OTOG: variants seen among roughly 807,000 people sequenced by gnomAD.
The protein encoded by OTOG is otogelin.
Under a neutral mutation model 313.8 loss-of-function variants are expected in OTOG, and 296 were observed. The ratio of observed to expected loss-of-function variants is 0.94; its 90% CI spans 0.86 to 1.04. The LOEUF (loss-of-function observed/expected upper bound fraction) is 1.04. OTOG is among the 50% of genes least tolerant of loss of function. OTOG has a pLI of 0.00. For missense variants in OTOG, 3,948 were observed against 3,840.1 expected, an observed-to-expected ratio of 1.03 and a Z score of -0.74; for synonymous variants, 1,533 against 1,554.9, an observed-to-expected ratio of 0.99 and a Z score of 0.33.
chr11:17,610,021 T>G lies in OTOG; in HGVS notation c.4721T>G (p.Leu1574Arg). Residue 1574 changes from leucine (L) to arginine (R), a missense_variant, in exon 36 of 56, where the codon CTG becomes CGG. Coordinates refer to ENST00000399397, the MANE Select transcript of OTOG (RefSeq NM_001292063.2). The stretch of plus-strand genomic sequence containing the variant: ...GAGTCCTCATCCCTCCCTGTTGCAC[T>G]GCAGACACCCACACCTGGCATGGTG... ...TPESSSLPVA[L>R]QTPTPGMVSG... 1 of 1,547,668 alleles carries G rather than the reference T, an allele frequency of 6.5e-7. No individual in the cohort carries two copies. Among genetic ancestry groups the G allele is most frequent in the East Asian group, 2.4e-5 (1 of 40,820 alleles).
Position 17,632,139 on chromosome 11 carries a change from C to G in OTOG, c.6985C>G (p.Gln2329Glu), listed in dbSNP as rs1440496743. The change falls in exon 42 of 56, where the codon CAG becomes GAG. Residue 2329 changes from glutamine (Q) to glutamate (E), a missense_variant. Gln to Glu is a conservative substitution (Grantham distance 29). Coordinates refer to ENST00000399397, the MANE Select transcript of OTOG (RefSeq NM_001292063.2). ...ELWIRDTKYV[Q>E]QPCVALTVYV... ...GTGGATCCGGGACACCAAGTACGTG[C>G]AGCAGCCCTGCGTGGCCCTGACTGT... 3.9e-6 allele frequency: 6 copies of G among 1,550,956 alleles called. No homozygotes were observed. Among genetic ancestry groups the G allele is most frequent in the Middle Eastern group, 1.7e-4 (1 of 6,010 alleles).
chr11:17,633,604 T>A (rs747575892), intron 42 of OTOG, 76 bp from the exon 43 acceptor site: 19 of 1,362,444 alleles, frequency 1.4e-5, no homozygotes, highest in Non-Finnish European at 1.8e-5. Flanking sequence ...CCTCATCCCC[T>A]CCTGTTCTTT....
intron 54 of OTOG, among the ~76,000 whole-genome samples, chr11:17,643,800 C>T (rs748875051): frequency 6.6e-6 from 1 of 152,210 alleles, no homozygotes. Context: ...CCAGTTACTT[C>T]GCCTCCTCCT....
At chr11:17,558,919 C>G in intron 10 of OTOG, 133 bp from the exon 11 acceptor site, 2 of 781,062 alleles carry the variant, frequency 2.6e-6, no homozygotes. Flanking sequence ...CACCTAGATG[C>G]CTTCCTGGGC....
At chr11:17,637,969 G>A (rs1854303533) in intron 47 of OTOG, among the ~76,000 whole-genome samples, 1 of 152,196 alleles carries the variant, frequency 6.6e-6, no homozygotes, top group South Asian at 2.1e-4. Flanking sequence ...AATGGCTGAG[G>A]AATCCTGAAC....
At chr11:17,633,556 A>G (rs1341096331) in intron 42 of OTOG, 124 bp from the exon 43 acceptor site, 2 of 893,890 alleles carry the variant, frequency 2.2e-6, no homozygotes, top group East Asian at 2.7e-5. Flanking sequence ...TAACTTATGC[A>G]CTCTCTGCTG....
At chr11:17,627,042 T>C (rs1799000779) in intron 39 of OTOG, among the ~76,000 whole-genome samples, 1 of 152,216 alleles carries the variant, frequency 6.6e-6, no homozygotes, top group Non-Finnish European at 1.5e-5. Flanking sequence ...TTTTTCCAAA[T>C]ATAAGATTAT....
chr11:17,628,711 G>T (rs1261826265), intron 39 of OTOG, among the ~76,000 whole-genome samples: 1 of 152,220 alleles, frequency 6.6e-6, no homozygotes, highest in Non-Finnish European at 1.5e-5. Flanking sequence ...CAGAGCAGGG[G>T]TATGTAGCCC....
intron 24 of OTOG, among the ~76,000 whole-genome samples, 175 bp from the exon 25 acceptor site, chr11:17,591,275 T>A (rs1160576622): frequency 1.3e-5 from 2 of 152,224 alleles, no homozygotes; most frequent in African/African-American, 4.8e-5. Context: ...AGCCCCTGTG[T>A]CTCCTGCATG....
chr11:17,634,997 G>T, intron 45 of OTOG, 49 bp downstream of exon 45: 1 of 1,536,842 alleles, frequency 6.5e-7, no homozygotes, highest in South Asian at 1.2e-5. Flanking sequence ...AGGGCAGTGG[G>T]GGGAGGACAG....
intron 17 of OTOG, among the ~76,000 whole-genome samples, chr11:17,571,290 T>C (rs1234235456): frequency 2.0e-5 from 3 of 152,242 alleles, no homozygotes; most frequent in African/African-American, 7.2e-5. Flanking sequence ...TGTTTGCCAC[T>C]TTCCTAAATG....
intron 4 of OTOG, among the ~76,000 whole-genome samples, chr11:17,552,525 T>TCCCTCCCCC (rs1565087707): frequency 4.0e-5 from 5 of 126,078 alleles, no homozygotes; most frequent in Non-Finnish European, 3.4e-5. Flanking sequence ...TGTCTGTTCC[T>TCCCTCCCCC]ACCTCCCCCA....
intron 24 of OTOG, among the ~76,000 whole-genome samples, chr11:17,590,569 G>A (rs537580373): frequency 1.2e-4 from 19 of 152,258 alleles, no homozygotes; most frequent in African/African-American, 3.6e-4. Flanking sequence ...GCTTAGGCTC[G>A]GTGCGGCAGC....
chr11:17,555,509 A>G (rs1852037663), intron 6 of OTOG, among the ~76,000 whole-genome samples: 1 of 152,170 alleles, frequency 6.6e-6, no homozygotes, highest in Non-Finnish European at 1.5e-5. Flanking sequence ...TTGACTGGGA[A>G]GAGCCCTGGA....
intron 42 of OTOG, among the ~76,000 whole-genome samples, chr11:17,633,140 G>A (rs544675822): frequency 6.6e-6 from 1 of 152,218 alleles, no homozygotes; most frequent in African/African-American, 2.4e-5. Context: ...TTGGCCTGGG[G>A]TGGGTTCCCC....
chr11:17,626,454 G>A (rs889895721), intron 39 of OTOG, among the ~76,000 whole-genome samples: 7 of 152,178 alleles, frequency 4.6e-5, no homozygotes, highest in African/African-American at 1.4e-4. Context: ...GGGATTACAG[G>A]CATGAGCCAC....
rs538415409 is a variant in OTOG, at chr11:17,580,912, C to T, written c.2759+2386C>T. On this transcript the variant is annotated intron_variant, in intron 23 of 55. Coordinates refer to ENST00000399397, the MANE Select transcript of OTOG (RefSeq NM_001292063.2). ...GTGAATTAAGCATGTGCTTTTTTTT[C>T]TTTCCTGCTTCCTCCCACAACCACA... 1.1e-3 allele frequency among the ~76,000 whole-genome samples: 167 copies of T among 151,940 alleles called. 1 individual carries two copies. The highest frequency in any genetic ancestry group is 4.0e-3 in the African/African-American group (165 of 41,484).
Position 17,599,704 on chromosome 11 carries a change from C to T in OTOG, c.3709+7C>T, listed in dbSNP as rs147988190. On this transcript the variant is annotated splice_region_variant and intron_variant, in intron 31 of 55. Coordinates refer to ENST00000399397, the MANE Select transcript of OTOG (RefSeq NM_001292063.2). Reference sequence around the variant, plus strand: ...TGTGACTTCTTTAACAAAGGTAAGCCCCTCCTCCCCACGCAGAGTCTCAGG... The same window carrying T: ...TGTGACTTCTTTAACAAAGGTAAGCTCCTCCTCCCCACGCAGAGTCTCAGG... 27 of 1,550,554 alleles carry T rather than the reference C, an allele frequency of 1.7e-5. No individual in the cohort carries two copies. In the Middle Eastern group the frequency reaches 6.7e-4, roughly 38 times the overall value.
intron 35 of OTOG, 150 bp from the exon 36 acceptor site, chr11:17,609,505 C>G (rs1330745670): frequency 1.9e-5 from 15 of 781,006 alleles, no homozygotes; most frequent in Non-Finnish European, 3.0e-5. Flanking sequence ...GGGGCGGAGT[C>G]CAGACCTGCT....
Sources: allele counts gnomAD v4.1 joint callset (sites outside exome capture counted in the v4.1 genomes callset), GRCh38; gene constraint gnomAD v4.1.1; transcripts MANE v1.5; gene names NCBI Gene and HGNC (gene_info 2026-07-23, HGNC 2026-07-21).